PLCL1: variants seen among roughly 807,000 people sequenced by gnomAD.
PLCL1 encodes phospholipase C like 1 (inactive).
A neutral mutation model predicts 84.4 loss-of-function variants in PLCL1; 41 were observed. That is an observed-to-expected ratio of 0.49 (90% confidence interval 0.38 to 0.63). The LOEUF (loss-of-function observed/expected upper bound fraction) is 0.63. Among genes scored for constraint, PLCL1 ranks in the 30% least tolerant of loss-of-function variants. The probability of loss-of-function intolerance (pLI) is 0.00; values close to 1 mark genes in which losing one functional copy is unlikely to be tolerated. For synonymous variants in PLCL1, 490 were observed against 488.3 expected (o/e 1.00, Z -0.05); for missense variants, 1,206 against 1,367.8 (o/e 0.88, Z 1.87).
At chr2:198,132,457 G>C (rs879581533) in intron 5 of PLCL1, among the ~76,000 whole-genome samples, 7 of 149,978 alleles carry the variant, frequency 4.7e-5, no homozygotes, top group East Asian at 2.0e-4. Context: ...GTGTTTTTTT[G>C]GGGGGGGGAG....
At chr2:198,088,525 A>G (rs1181423612) in intron 2 of PLCL1, among the ~76,000 whole-genome samples, 1 of 152,186 alleles carries the variant, frequency 6.6e-6, no homozygotes, top group Non-Finnish European at 1.5e-5. Flanking sequence ...AAAAAGCCCA[A>G]GTGAAATGCA....
At chr2:197,894,500 T>C (rs1688094588) in intron 1 of PLCL1, among the ~76,000 whole-genome samples, 1 of 152,024 alleles carries the variant, frequency 6.6e-6, no homozygotes, top group Non-Finnish European at 1.5e-5. Context: ...TCTTAATAGT[T>C]CTTTGTCAGT....
intron 1 of PLCL1, among the ~76,000 whole-genome samples, chr2:197,965,172 G>A (rs1267954187): frequency 2.0e-5 from 3 of 152,088 alleles, no homozygotes; most frequent in African/African-American, 7.2e-5. Context: ...ATTCAGCAGT[G>A]ATGGCATCAG....
At chr2:198,120,326 C>G (rs557879052) in intron 5 of PLCL1, among the ~76,000 whole-genome samples, 1 of 152,002 alleles carries the variant, frequency 6.6e-6, no homozygotes, top group African/African-American at 2.4e-5. Flanking sequence ...TTTAAATAAA[C>G]CAATTATACT....
intron 1 of PLCL1, among the ~76,000 whole-genome samples, chr2:197,917,670 G>T (rs1015334382): frequency 6.6e-6 from 1 of 152,152 alleles, no homozygotes; most frequent in Non-Finnish European, 1.5e-5. Flanking sequence ...TGCAGAATGT[G>T]ACAAGACGAT....
intron 1 of PLCL1, among the ~76,000 whole-genome samples, chr2:198,025,281 A>C (rs1691238302): frequency 6.6e-6 from 1 of 152,136 alleles, no homozygotes; most frequent in Non-Finnish European, 1.5e-5. Flanking sequence ...ACCCACACAC[A>C]TGCATATATA....
intron 5 of PLCL1, among the ~76,000 whole-genome samples, chr2:198,132,247 T>C (rs921180735): frequency 2.6e-5 from 4 of 152,158 alleles, no homozygotes; most frequent in African/African-American, 4.8e-5. Context: ...TGGCCACACT[T>C]GGGCTGTGGT....
intron 5 of PLCL1, among the ~76,000 whole-genome samples, chr2:198,144,910 G>A (rs367701418): frequency 2.6e-4 from 40 of 152,276 alleles, no homozygotes; most frequent in African/African-American, 7.9e-4. Flanking sequence ...CACAGACCCC[G>A]GAGCCAGCTG....
intron 1 of PLCL1, among the ~76,000 whole-genome samples, chr2:198,029,553 T>A (rs1437854436): frequency 6.6e-6 from 1 of 152,084 alleles, no homozygotes; most frequent in Non-Finnish European, 1.5e-5. Flanking sequence ...CAAATGAAAG[T>A]GGGATATGCC....
intron 5 of PLCL1, 116 bp from the exon 6 acceptor site, chr2:198,146,664 A>T (rs1321692277): frequency 2.9e-5 from 22 of 755,176 alleles, no homozygotes; most frequent in Non-Finnish European, 4.3e-5. Context: ...GTGAGCTTGC[A>T]GGTCTGGGTC....
chr2:198,039,487 C>T (rs931704924), intron 1 of PLCL1, among the ~76,000 whole-genome samples: 1 of 152,032 alleles, frequency 6.6e-6, no homozygotes, highest in African/African-American at 2.4e-5. Context: ...ATTTTCCTGT[C>T]TCTTGGTATA....
rs940167030 is a variant in PLCL1 at position 198,149,755 on chromosome 2, T to C, written c.*2793T>C. The C allele has an allele frequency of 1.3e-5, 2 of 152,200 alleles. No individual in the cohort carries two copies. The highest frequency in any genetic ancestry group is 4.8e-5 in the African/African-American group (2 of 41,466). 9.4% of individuals were successfully genotyped at this position (152,200 alleles called of 1,614,324 possible). On this transcript the variant is annotated 3_prime_UTR_variant, in exon 6 of 6. Transcript: ENST00000428675. ...ATACATATATGTAAATATGCTTGTA[T>C]TTTAACAAAATTGAGATATTATATA...
At chr2:198,028,276 A>G (rs1691322175) in intron 1 of PLCL1, among the ~76,000 whole-genome samples, 1 of 152,188 alleles carries the variant, frequency 6.6e-6, no homozygotes, top group Non-Finnish European at 1.5e-5. Flanking sequence ...AATTGTTATT[A>G]TGTAATGCAA....
At chr2:197,814,561 T>C (rs1690651055) in intron 1 of PLCL1, among the ~76,000 whole-genome samples, 1 of 152,194 alleles carries the variant, frequency 6.6e-6, no homozygotes. Context: ...CCTCTAAATG[T>C]TCAAGTGAAA....
At chr2:198,035,037 TGTG>T (rs763277999) in intron 1 of PLCL1, among the ~76,000 whole-genome samples, 8 of 152,220 alleles carry the variant, frequency 5.3e-5, no homozygotes, top group Non-Finnish European at 1.2e-4. Context: ...ACTTAATTAA[TGTG>T]GTATCTGCCA....
intron 1 of PLCL1, among the ~76,000 whole-genome samples, chr2:197,962,979 A>G (rs1187276015): frequency 6.6e-6 from 1 of 152,030 alleles, no homozygotes; most frequent in Non-Finnish European, 1.5e-5. Context: ...TTGTCTCTTG[A>G]TGGACACTTA....
intron 5 of PLCL1, among the ~76,000 whole-genome samples, chr2:198,136,183 A>G (rs527719963): frequency 1.3e-5 from 2 of 152,256 alleles, no homozygotes; most frequent in Non-Finnish European, 2.9e-5. Context: ...TATCTACAAC[A>G]TTGTTATTTC....
At chr2:198,064,834 C>A (rs1692285592) in intron 1 of PLCL1, among the ~76,000 whole-genome samples, 1 of 152,100 alleles carries the variant, frequency 6.6e-6, no homozygotes, top group African/African-American at 2.4e-5. Flanking sequence ...GTTTTGCAGA[C>A]AAGAGAGCAC....
At chr2:197,848,522 G>A (rs1009661358) in intron 1 of PLCL1, among the ~76,000 whole-genome samples, 14 of 152,184 alleles carry the variant, frequency 9.2e-5, no homozygotes, top group African/African-American at 3.1e-4. Flanking sequence ...GGCCGAGGTA[G>A]TTTGATGTAA....
Sources: gnomAD v4.1 joint callset for allele counts (sites outside exome capture counted in the v4.1 genomes callset) on GRCh38, gnomAD v4.1.1 for gene constraint, MANE v1.5 for transcripts, NCBI Gene and HGNC (gene_info 2026-07-23, HGNC 2026-07-21) for gene names.